The following KDM3B variants were observed in gnomAD, a reference collection of about 807,000 sequenced individuals.
The protein encoded by KDM3B is lysine-specific demethylase 3B.
A neutral mutation model predicts 170.0 loss-of-function variants in KDM3B; 10 were observed. The ratio of observed to expected loss-of-function variants is 0.06; its 90% CI spans 0.04 to 0.10. The LOEUF (loss-of-function observed/expected upper bound fraction) is 0.10, where lower values mean the gene tolerates loss of function less well. Among genes scored for constraint, KDM3B ranks in the 10% least tolerant of loss-of-function variants. The pLI, the probability that KDM3B is intolerant of heterozygous loss-of-function variation, is 1.00. For missense variants in KDM3B, 1,394 were observed against 2,195.2 expected, an observed-to-expected ratio of 0.64 and a Z score of 7.29; for synonymous variants, 831 against 834.8, an observed-to-expected ratio of 1.00 and a Z score of 0.08.
chr5:138,397,207 C>T lies in KDM3B; in HGVS notation c.2832-971C>T, dbSNP rs369759716. On this transcript the variant is annotated intron_variant, in intron 9 of 23. Coordinates refer to ENST00000314358, the MANE Select transcript of KDM3B (RefSeq NM_016604.4). Reference sequence around the variant, plus strand: ...AAAATCAGCTGGGCGTGGTGGCAGGCGCCTGTAGTTCCAGCTACTGGGGAG... The same window carrying T: ...AAAATCAGCTGGGCGTGGTGGCAGGTGCCTGTAGTTCCAGCTACTGGGGAG... Among the ~76,000 whole-genome samples the T allele has an allele frequency of 1.8e-3, 274 of 152,110 alleles. 5 individuals are homozygous for T. The highest frequency in any genetic ancestry group is 6.0e-3 in the African/African-American group (250 of 41,480).
chr5:138,397,112 C>G (rs1762567084), intron 9 of KDM3B, among the ~76,000 whole-genome samples: 1 of 152,100 alleles, frequency 6.6e-6, no homozygotes, highest in African/African-American at 2.4e-5. Context: ...AGGTGGATCA[C>G]AAGGTCGGGA....
At chr5:138,434,316 G>A (rs1186389362) in intron 23 of KDM3B, among the ~76,000 whole-genome samples, 2 of 152,076 alleles carry the variant, frequency 1.3e-5, no homozygotes, top group East Asian at 1.9e-4. Flanking sequence ...TTGGGAGGCC[G>A]AGGTGGGCAG....
At position 138,379,720 on chromosome 5, in the gene KDM3B, T is replaced by G; in HGVS notation, c.705+12T>G. Reference sequence around the variant, plus strand: ...TGTCTGTAACTGAGGTGAGACTCTGTGTTATTCTGTCTAAGGTCCATCCAT... The same window carrying G: ...TGTCTGTAACTGAGGTGAGACTCTGGGTTATTCTGTCTAAGGTCCATCCAT... On this transcript the variant is annotated intron_variant, in intron 5 of 23. Transcript: ENST00000314358. 1 of 1,611,712 alleles carries G rather than the reference T, an allele frequency of 6.2e-7. No homozygotes were observed.
At chr5:138,401,774 G>A (rs961341554) in intron 11 of KDM3B, among the ~76,000 whole-genome samples, 4 of 152,228 alleles carry the variant, frequency 2.6e-5, no homozygotes, top group South Asian at 2.1e-4. Context: ...CCACATTCTT[G>A]CCAACACTTG....
At chr5:138,384,352 C>A (rs1473211790) in intron 6 of KDM3B, among the ~76,000 whole-genome samples, 2 of 151,952 alleles carry the variant, frequency 1.3e-5, no homozygotes, top group Non-Finnish European at 2.9e-5. Context: ...GTAATCCCAG[C>A]ACTTTGGGAG....
Position 138,420,931 on chromosome 5 carries a change from C to G in KDM3B, c.3941C>G (p.Pro1314Arg), listed in dbSNP as rs779634192. 6.2e-7 allele frequency: 1 copy of G among 1,614,002 alleles called. No individual in the cohort carries two copies. Among genetic ancestry groups the G allele is most frequent in the Non-Finnish European group, 8.5e-7 (1 of 1,179,924 alleles). ...LPQTPLDTGI[P>R]FPPVFSTSSA... ...CAAACCCCCTTGGACACAGGCATAC[C>G]CTTTCCCCCGGTCTTCTCTACATCC... The change falls in exon 15 of 24, where the codon CCC (proline) becomes CGC (arginine). Residue 1314 changes from proline (P) to arginine (R), a missense_variant. Transcript: ENST00000314358.
rs1052000457 is a variant in KDM3B at position 138,352,735 on chromosome 5, G to A, written c.-61G>A. The A allele has an allele frequency of 7.6e-6, 9 of 1,176,890 alleles. No homozygotes were observed. Among genetic ancestry groups the A allele is most frequent in the Admixed American group, 9.2e-5 (2 of 21,644 alleles). 72.9% of individuals were successfully genotyped at this position (1,176,890 alleles called of 1,614,324 possible). A position where few individuals can be genotyped will look rare whatever the true frequency, so the allele number is the denominator to read the frequency against. On this transcript the variant is annotated 5_prime_UTR_variant, in exon 1 of 24. Coordinates refer to ENST00000314358, the MANE Select transcript of KDM3B (RefSeq NM_016604.4). ...GGGAGGCCTTGCGGGCGGATCGGGC[G>A]CTTGGCGGCGGAGGTGGTGGGAGGC...
At chr5:138,365,000 G>T (rs1007424769) in intron 1 of KDM3B, among the ~76,000 whole-genome samples, 12 of 152,190 alleles carry the variant, frequency 7.9e-5, no homozygotes, top group Non-Finnish European at 1.6e-4. Context: ...ACTGTAAAGA[G>T]AAAATTATTT....
chr5:138,354,507 A>AT (rs1436853765), intron 1 of KDM3B, among the ~76,000 whole-genome samples: 1 of 152,030 alleles, frequency 6.6e-6, no homozygotes, highest in Non-Finnish European at 1.5e-5. Context: ...ATTCATTGGG[A>AT]TTTTTTTCTG....
At chr5:138,369,452 C>T (rs542624448) in intron 1 of KDM3B, among the ~76,000 whole-genome samples, 6 of 152,208 alleles carry the variant, frequency 3.9e-5, no homozygotes, top group African/African-American at 1.4e-4. Context: ...TGTAAGAACA[C>T]TCCCTACTAC....
intron 9 of KDM3B, among the ~76,000 whole-genome samples, chr5:138,397,518 A>G (rs1762577477): frequency 6.6e-6 from 1 of 151,874 alleles, no homozygotes; most frequent in South Asian, 2.1e-4. Context: ...CAAAAAATAA[A>G]TAAATAAATT....
chr5:138,364,552 G>A (rs1761695795), intron 1 of KDM3B, among the ~76,000 whole-genome samples: 1 of 151,352 alleles, frequency 6.6e-6, no homozygotes, highest in Non-Finnish European at 1.5e-5. Flanking sequence ...TAGACACTGA[G>A]TATGTACATA....
chr5:138,382,394 A>G (rs562357596), intron 6 of KDM3B, among the ~76,000 whole-genome samples: 2 of 152,188 alleles, frequency 1.3e-5, no homozygotes, highest in South Asian at 2.1e-4. Context: ...GGAGGTTGCA[A>G]TGAGCTGAGA....
chr5:138,408,285 A>G (rs146860799), intron 11 of KDM3B, among the ~76,000 whole-genome samples: 118 of 151,460 alleles, frequency 7.8e-4, no homozygotes, highest in African/African-American at 2.6e-3. Flanking sequence ...TCTGCCACCA[A>G]CTGGTCTGGG....
intron 11 of KDM3B, among the ~76,000 whole-genome samples, chr5:138,406,277 TGAG>T (rs1762817622): frequency 6.6e-6 from 1 of 151,706 alleles, no homozygotes; most frequent in South Asian, 2.1e-4. Flanking sequence ...CCCAGAAGGG[TGAG>T]GCTGTAGTGA....
intron 7 of KDM3B, among the ~76,000 whole-genome samples, chr5:138,387,911 C>G (rs1245472339): frequency 6.6e-6 from 1 of 152,042 alleles, no homozygotes; most frequent in Non-Finnish European, 1.5e-5. Flanking sequence ...GAAACCCCAT[C>G]TCTACTAAAA....
intron 1 of KDM3B, among the ~76,000 whole-genome samples, chr5:138,354,613 C>G (rs1003323053): frequency 6.6e-6 from 1 of 152,202 alleles, no homozygotes; most frequent in Admixed American, 6.5e-5. Context: ...GTTTGCTGTG[C>G]TCCCTAAGGG....
At chr5:138,435,182 T>C (rs1763642438) in intron 23 of KDM3B, among the ~76,000 whole-genome samples, 1 of 152,256 alleles carries the variant, frequency 6.6e-6, no homozygotes, top group African/African-American at 2.4e-5. Flanking sequence ...CTTGTTTTAA[T>C]GCATCCTTAT....
chr5:138,379,851 G>T, intron 5 of KDM3B, 143 bp downstream of exon 5: 1 of 710,448 alleles, frequency 1.4e-6, no homozygotes. Context: ...CCCCTAGAAA[G>T]GCTATTGAAT....
Sources: gnomAD v4.1 joint callset for allele counts (sites outside exome capture counted in the v4.1 genomes callset) on GRCh38, gnomAD v4.1.1 for gene constraint, MANE v1.5 for transcripts, NCBI Gene and HGNC (gene_info 2026-07-23, HGNC 2026-07-21) for gene names.